The following TJP1 variants were observed in gnomAD, a reference collection of about 807,000 sequenced individuals.
TJP1 encodes the protein tight junction protein 1, also known as tight junction protein ZO-1.
TJP1 carries 43 observed loss-of-function variants against 194.2 expected under a neutral mutation model. The ratio of observed to expected loss-of-function variants is 0.22; its 90% confidence interval spans 0.17 to 0.29. The LOEUF (loss-of-function observed/expected upper bound fraction) is 0.29, where lower values mean the gene tolerates loss of function less well. Ranked by LOEUF, TJP1 falls within the 10% of genes least tolerant of loss-of-function variation. TJP1 has a pLI of 1.00. For synonymous variants in TJP1, 801 were observed against 779.0 expected, an observed-to-expected ratio of 1.03 and a Z score of -0.47; for missense variants, 1,971 against 2,185.7, an observed-to-expected ratio of 0.90 and a Z score of 1.96.
intron 2 of TJP1, among the ~76,000 whole-genome samples, chr15:29,937,317 A>G (rs2054918166): frequency 6.6e-6 from 1 of 152,214 alleles, no homozygotes; most frequent in African/African-American, 2.4e-5. Flanking sequence ...TTACAAATGT[A>G]TTGGTTTCTA....
Position 29,949,447 on chromosome 15 carries a change from CTTCACCACCACT to C in TJP1, c.306+6773_306+6784del, listed in dbSNP as rs1250197059. ...CCACAACCACCACCTCCACCTCCAC[CTTCACCACCACT>C]TCCACCACCACCACCTCCACAACCA... On this transcript the variant is annotated intron_variant, in intron 2 of 28. Coordinates refer to the TJP1 transcript ENST00000356107. Among the ~76,000 whole-genome samples, 86 of 125,108 alleles carry C rather than the reference CTTCACCACCACT, an allele frequency of 6.9e-4. 1 individual carries two copies. Among genetic ancestry groups the C allele is most frequent in the Admixed American group, 2.1e-3 (24 of 11,490 alleles). 82.1% of individuals were successfully genotyped at this position (125,108 alleles called of 152,430 possible).
At chr15:29,769,941 CA>C (rs1182817540) in intron 4 of TJP1, among the ~76,000 whole-genome samples, 3 of 152,032 alleles carry the variant, frequency 2.0e-5, no homozygotes, top group African/African-American at 7.2e-5. Flanking sequence ...AAAACAGCCT[CA>C]GGTAGGTCCT....
At chr15:29,949,272 CCATCACCTCCACCGCCAT>C (rs2055431765) in intron 2 of TJP1, among the ~76,000 whole-genome samples, 7 of 115,418 alleles carry the variant, frequency 6.1e-5, no homozygotes, top group African/African-American at 2.1e-4. Context: ...ACCACCACCT[CCATCACCTCCACCGCCAT>C]CACCTCCACC....
chr15:29,870,669 T>A (rs750397916), intron 2 of TJP1, among the ~76,000 whole-genome samples: 8 of 152,120 alleles, frequency 5.3e-5, no homozygotes, highest in Admixed American at 2.6e-4. Flanking sequence ...CCCTCCAGAT[T>A]TTACATAATG....
At chr15:29,807,735 TAAAGA>T (rs938731118) in intron 1 of TJP1, among the ~76,000 whole-genome samples, 3 of 152,160 alleles carry the variant, frequency 2.0e-5, no homozygotes, top group Non-Finnish European at 4.4e-5. Context: ...GTAACCACAC[TAAAGA>T]AGAGTTTAAC....
At chr15:29,767,925 A>T (rs77382160) in intron 4 of TJP1, among the ~76,000 whole-genome samples, 1 of 152,120 alleles carries the variant, frequency 6.6e-6, no homozygotes, top group Non-Finnish European at 1.5e-5. Flanking sequence ...TTCTTCATCA[A>T]TTACCATACT....
chr15:29,720,804 T>TG (rs1217769714), intron 18 of TJP1, 96 bp from the exon 19 acceptor site: 22 of 1,013,534 alleles, frequency 2.2e-5, no homozygotes, highest in Non-Finnish European at 3.0e-5. Context: ...TATCTTTCTC[T>TG]GGAGAAGTCA....
At chr15:29,722,582 A>C (rs1021835976) in intron 18 of TJP1, among the ~76,000 whole-genome samples, 1 of 152,198 alleles carries the variant, frequency 6.6e-6, no homozygotes, top group African/African-American at 2.4e-5. Context: ...GAGCACCTCC[A>C]GGGCAGTGTG....
intron 2 of TJP1, among the ~76,000 whole-genome samples, chr15:29,888,900 AGAATGCAGAACTG>A (rs919746025): frequency 1.3e-5 from 2 of 152,200 alleles, no homozygotes; most frequent in African/African-American, 2.4e-5. Flanking sequence ...GAATCACAGG[AGAATGCAGAACTG>A]TGTTCTGAGG....
intron 9 of TJP1, among the ~76,000 whole-genome samples, chr15:29,742,385 T>TCAAC (rs2044481466): frequency 6.6e-6 from 1 of 152,206 alleles, no homozygotes; most frequent in Non-Finnish European, 1.5e-5. Flanking sequence ...AGGAGCAGTG[T>TCAAC]TGGAAAACAA....
chr15:29,904,810 G>T (rs1461380075), intron 2 of TJP1, among the ~76,000 whole-genome samples: 1 of 152,176 alleles, frequency 6.6e-6, no homozygotes, highest in Non-Finnish European at 1.5e-5. Flanking sequence ...TAGACCCTAA[G>T]CACAATGACT....
At chr15:29,814,990 T>A (rs1445051755) in intron 1 of TJP1, among the ~76,000 whole-genome samples, 1 of 152,206 alleles carries the variant, frequency 6.6e-6, no homozygotes, top group Non-Finnish European at 1.5e-5. Context: ...GGTGTTCTCA[T>A]GATCTAAAGC....
At chr15:29,903,113 CCT>C (rs2053685864) in intron 2 of TJP1, among the ~76,000 whole-genome samples, 2 of 152,092 alleles carry the variant, frequency 1.3e-5, no homozygotes, top group African/African-American at 2.4e-5. Context: ...TGCCAGGCTC[CCT>C]GTCTCACCCA....
At chr15:29,836,122 A>G (rs1030864717) in intron 2 of TJP1, among the ~76,000 whole-genome samples, 1 of 152,190 alleles carries the variant, frequency 6.6e-6, no homozygotes, top group Non-Finnish European at 1.5e-5. Context: ...CTGTGGTGTC[A>G]GGAGGAGGAA....
At chr15:29,922,969 TTAATC>T (rs901584466) in intron 2 of TJP1, among the ~76,000 whole-genome samples, 1 of 150,850 alleles carries the variant, frequency 6.6e-6, no homozygotes, top group African/African-American at 2.4e-5. Context: ...AAAAAACTGT[TTAATC>T]TGAACAGTGC....
At chr15:29,789,022 G>T (rs963318094) in intron 2 of TJP1, among the ~76,000 whole-genome samples, 2 of 152,096 alleles carry the variant, frequency 1.3e-5, no homozygotes, top group South Asian at 4.1e-4. Context: ...GAACAATTTT[G>T]TAAGATCAAC....
In TJP1 at chr15:29,924,453, C is replaced by A. The variant is rs1402247979; in HGVS notation, c.306+31779G>T. On this transcript the variant is annotated intron_variant, in intron 2 of 28. Transcript: ENST00000356107. The stretch of plus-strand genomic sequence containing the variant: ...ATCAATAAACCATAATATGCCCATA[C>A]AAGAGATAGCAAAAAGACATTAAAA... 2.0e-5 allele frequency among the ~76,000 whole-genome samples: 3 copies of A among 152,202 alleles called. 1 individual carries two copies. Among genetic ancestry groups the A allele is most frequent in the Middle Eastern group, 3.4e-3 (1 of 294 alleles).
At chr15:29,833,881 A>ATATATATT (rs1555434000) in intron 2 of TJP1, among the ~76,000 whole-genome samples, 2 of 12,616 alleles carry the variant, frequency 1.6e-4, no homozygotes, top group Admixed American at 1.3e-3. Context: ...ATATATATAT[A>ATATATATT]TTTTTTTTTT....
intron 2 of TJP1, among the ~76,000 whole-genome samples, chr15:29,949,154 A>AC (rs2055404972): frequency 7.0e-6 from 1 of 142,484 alleles, no homozygotes; most frequent in Non-Finnish European, 1.5e-5. Flanking sequence ...CACCACCTCC[A>AC]CTACTACCTC....
Sources: gnomAD v4.1 joint callset for allele counts (sites outside exome capture counted in the v4.1 genomes callset) on GRCh38, gnomAD v4.1.1 for gene constraint, MANE v1.5 for transcripts, NCBI Gene and HGNC (gene_info 2026-07-23, HGNC 2026-07-21) for gene names.